The following VSIG1 variants were observed in gnomAD, a reference collection of about 807,000 sequenced individuals.
VSIG1 encodes V-set and immunoglobulin domain containing 1.
In VSIG1, 11 loss-of-function variants were observed where a neutral mutation model predicts 20.1. The ratio of observed to expected loss-of-function variants is 0.55; its 90% CI spans 0.34 to 0.91. VSIG1 has a LOEUF of 0.91. Ranked by LOEUF, VSIG1 falls within the 40% of genes least tolerant of loss-of-function variation. The probability of loss-of-function intolerance (pLI) is 0.02; values close to 1 mark genes in which losing one functional copy is unlikely to be tolerated. For missense variants in VSIG1, 283 were observed against 298.8 expected, an observed-to-expected ratio of 0.95 and a Z score of 0.39; for synonymous variants, 126 against 116.7, an observed-to-expected ratio of 1.08 and a Z score of -0.52.
the VSIG1 span, among the ~76,000 whole-genome samples, chrX:108,037,239 C>G: frequency 8.9e-6 from 1 of 112,228 alleles, no homozygotes; most frequent in East Asian, 2.8e-4. Context: ...AAAAATTATA[C>G]AAAACCACAA....
the VSIG1 span, among the ~76,000 whole-genome samples, chrX:108,023,347 T>G: frequency 2.7e-5 from 3 of 111,917 alleles, no homozygotes; most frequent in Admixed American, 2.8e-4. Context: ...TGTTAACATG[T>G]GAGTTTGTTA....
In VSIG1 at chrX:108,072,893, G is replaced by C. The variant is rs970450411; in HGVS notation, c.568+61G>C. 17 of 1,120,415 alleles carry C rather than the reference G, an allele frequency of 1.5e-5. No homozygotes were observed. In the African/African-American group the frequency reaches 2.9e-4, roughly 19 times the overall value. 92.3% of individuals were successfully genotyped at this position (1,120,415 alleles called of 1,213,427 possible). A position where few individuals can be genotyped will look rare whatever the true frequency, so the allele number is the denominator to read the frequency against. On this transcript the variant is annotated intron_variant, in intron 4 of 6. Coordinates refer to ENST00000217957, the MANE Select transcript of VSIG1 (RefSeq NM_182607.5). Reference sequence around the variant, plus strand: ...GGTGTCTGTGGTTGGATGACAGCAGGAGTGTGTGGTTGGCTGCTTGACCTT... The same window carrying C: ...GGTGTCTGTGGTTGGATGACAGCAGCAGTGTGTGGTTGGCTGCTTGACCTT...
At chrX:108,034,185 C>G in the VSIG1 span, among the ~76,000 whole-genome samples, 7 of 110,649 alleles carry the variant, frequency 6.3e-5, no homozygotes, top group Non-Finnish European at 1.1e-4. Flanking sequence ...AGCCCGGTGA[C>G]CCAGCATCTC....
chrX:108,074,655 C>T (rs1014843877), intron 5 of VSIG1, among the ~76,000 whole-genome samples: 3 of 112,098 alleles, frequency 2.7e-5, no homozygotes, highest in Non-Finnish European at 5.6e-5. Context: ...TGAACAGGGT[C>T]TATAGAGCAC....
At position 108,077,278 on chromosome X, in the gene VSIG1, C is replaced by A. The variant is rs143235655; in HGVS notation, c.1061C>A (p.Thr354Lys). The change falls in exon 7 of 7, where the codon ACG becomes AAG. Residue 354 changes from threonine (T) to lysine (K), a missense_variant. Physicochemically the swap from Thr to Lys is moderately conservative, Grantham distance 78. Transcript: ENST00000217957. ...LDIELELEPE[T>K]QSELEPEPEP... ...ATCGAGCTGGAGCTGGAGCCAGAAA[C>A]GCAGTCGGAATTGGAGCCAGAGCCA... 9.7e-5 allele frequency: 117 copies of A among 1,210,321 alleles called. No homozygotes were observed. The African/African-American group carries it at 1.9e-3, about 19-fold the overall frequency.
At chrX:108,029,560 G>A in the VSIG1 span, among the ~76,000 whole-genome samples, 1 of 112,186 alleles carries the variant, frequency 8.9e-6, no homozygotes, top group African/African-American at 3.2e-5. Context: ...AGAATGTGCA[G>A]ATTGTTGTTG....
At position 108,078,498 on chromosome X, in the gene VSIG1, G is replaced by C. The variant is rs1417100693; in HGVS notation, c.*1117G>C. 1.8e-5 allele frequency: 2 copies of C among 111,976 alleles called. No individual in the cohort carries two copies. Among genetic ancestry groups the C allele is most frequent in the Non-Finnish European group, 3.8e-5 (2 of 53,197 alleles). The allele number at this position is 111,976 out of a possible 1,213,427, so 9.2% of individuals were successfully genotyped here. ...CCAGCTACTTGGGAGGCTGAGGCAG[G>C]AGAATCGCTTGAACCCAGGAGGTGG... is the stretch of plus-strand genomic sequence containing the variant. On this transcript the variant is annotated 3_prime_UTR_variant, in exon 7 of 7. Transcript: ENST00000217957.
intron 3 of VSIG1, among the ~76,000 whole-genome samples, chrX:108,071,840 C>A (rs1259252459): frequency 1.1e-5 from 1 of 92,689 alleles, no homozygotes; most frequent in Non-Finnish European, 2.1e-5. Context: ...ATGATGCACA[C>A]AGGCAAATTT....
chrX:108,063,283 A>G (rs1051011680), intron 2 of VSIG1, among the ~76,000 whole-genome samples: 7 of 111,760 alleles, frequency 6.3e-5, no homozygotes, highest in Non-Finnish European at 1.1e-4. Flanking sequence ...TCTCATCTTA[A>G]GAAGCACTGT....
intron 2 of VSIG1, among the ~76,000 whole-genome samples, chrX:108,062,851 G>T (rs1006689170): frequency 1.8e-5 from 2 of 112,142 alleles, no homozygotes; most frequent in African/African-American, 3.2e-5. Flanking sequence ...GTTTGCTGTG[G>T]ATGTCCATGT....
intron 3 of VSIG1, 88 bp downstream of exon 3, chrX:108,067,222 G>T (rs1295007277): frequency 2.2e-5 from 21 of 960,000 alleles, no homozygotes; most frequent in Non-Finnish European, 2.8e-5. Flanking sequence ...TGCCAATTAA[G>T]TCTCTGTAGG....
intron 2 of VSIG1, chrX:108,064,913 C>A (rs1178552529): frequency 4.9e-6 from 1 of 203,155 alleles, no homozygotes; most frequent in Non-Finnish European, 7.3e-6. Context: ...ATGTATTGAA[C>A]CTCCTTCTGT....
chrX:108,025,402 G>A, the VSIG1 span, among the ~76,000 whole-genome samples: 1 of 111,653 alleles, frequency 9.0e-6, no homozygotes, highest in Non-Finnish European at 1.9e-5. Flanking sequence ...CCCATGGAAG[G>A]CAGGATTACA....
At chrX:108,039,687 G>A in the VSIG1 span, among the ~76,000 whole-genome samples, 3 of 110,861 alleles carry the variant, frequency 2.7e-5, no homozygotes, top group African/African-American at 9.9e-5. Flanking sequence ...CGGGTAATGG[G>A]CACTGGTGGC....
intron 5 of VSIG1, 192 bp downstream of exon 5, chrX:108,073,561 C>T (rs1333007409): frequency 4.4e-6 from 2 of 455,184 alleles, no homozygotes; most frequent in East Asian, 8.1e-5. Context: ...ATGCCATATG[C>T]TGCCCTAAAT....
intron 3 of VSIG1, among the ~76,000 whole-genome samples, chrX:108,069,754 G>A (rs965891323): frequency 8.9e-6 from 1 of 111,975 alleles, no homozygotes; most frequent in Admixed American, 9.5e-5. Flanking sequence ...AAAAGATAGG[G>A]TCTTAGCCCT....
chrX:108,057,065 CAACA>C (rs1380251936), intron 1 of VSIG1, among the ~76,000 whole-genome samples: 2 of 112,063 alleles, frequency 1.8e-5, no homozygotes, highest in African/African-American at 6.5e-5. Context: ...CAATAAAAAA[CAACA>C]AACTACTGAT....
intron 1 of VSIG1, among the ~76,000 whole-genome samples, chrX:108,046,596 T>C (rs1369763868): frequency 9.0e-6 from 1 of 110,782 alleles, no homozygotes; most frequent in Non-Finnish European, 1.9e-5. Flanking sequence ...AAGTAATTTT[T>C]ACTGATTATA....
intron 2 of VSIG1, chrX:108,064,814 T>C (rs1427411275): frequency 3.7e-5 from 26 of 709,125 alleles, no homozygotes; most frequent in Non-Finnish European, 4.0e-5. Flanking sequence ...CCTCAAACTG[T>C]CAATTAGAAA....
Sources: allele counts gnomAD v4.1 joint callset (sites outside exome capture counted in the v4.1 genomes callset), GRCh38; gene constraint gnomAD v4.1.1; transcripts MANE v1.5; gene names NCBI Gene and HGNC (gene_info 2026-07-23, HGNC 2026-07-21).